RPS6KC1: variants seen among roughly 807,000 people sequenced by gnomAD.
RPS6KC1 encodes the protein inactive ribosomal protein S6 kinase delta-1.
A neutral mutation model predicts 103.8 loss-of-function variants in RPS6KC1; 54 were observed. That is an observed-to-expected ratio of 0.52 (90% CI 0.42 to 0.65). The LOEUF (loss-of-function observed/expected upper bound fraction) is 0.65. Ranked by LOEUF, RPS6KC1 falls within the 30% of genes least tolerant of loss-of-function variation. RPS6KC1 has a pLI of 0.00. For missense variants in RPS6KC1, 1,151 were observed against 1,253.8 expected (o/e 0.92, Z 1.24); for synonymous variants, 439 against 438.7 (o/e 1.00, Z -0.01).
intron 10 of RPS6KC1, among the ~76,000 whole-genome samples, chr1:213,235,386 T>G (rs1424657547): frequency 1.3e-5 from 2 of 152,082 alleles, no homozygotes; most frequent in East Asian, 1.9e-4. Context: ...AGCAAATATT[T>G]AAGTAAATAT....
At chr1:213,544,068 A>G in the RPS6KC1 span, among the ~76,000 whole-genome samples, 1 of 152,220 alleles carries the variant, frequency 6.6e-6, no homozygotes, top group Non-Finnish European at 1.5e-5. Context: ...AAAGAAAAAG[A>G]AAGAAAAGAT....
chr1:213,735,068 C>G, the RPS6KC1 span, among the ~76,000 whole-genome samples: 1 of 152,138 alleles, frequency 6.6e-6, no homozygotes, highest in Admixed American at 6.5e-5. Flanking sequence ...GGACTACAGG[C>G]GCCCACCACC....
intron 12 of RPS6KC1, among the ~76,000 whole-genome samples, chr1:213,261,003 GCTC>G (rs1235537538): frequency 1.3e-5 from 2 of 152,282 alleles, no homozygotes; most frequent in African/African-American, 4.8e-5. Flanking sequence ...CATTTCACAT[GCTC>G]CTCCTTTGGT....
chr1:213,052,978 C>T (rs946893693), intron 1 of RPS6KC1, among the ~76,000 whole-genome samples: 1 of 152,144 alleles, frequency 6.6e-6, no homozygotes, highest in Non-Finnish European at 1.5e-5. Context: ...AATGAGAAGA[C>T]CTGACCTGCT....
At chr1:213,603,597 C>T in the RPS6KC1 span, among the ~76,000 whole-genome samples, 14 of 151,874 alleles carry the variant, frequency 9.2e-5, no homozygotes, top group East Asian at 3.9e-4. Context: ...TAGTAGCTCA[C>T]GCCTGTAATC....
the RPS6KC1 span, among the ~76,000 whole-genome samples, chr1:213,608,446 G>A: frequency 1.3e-5 from 2 of 152,208 alleles, no homozygotes; most frequent in African/African-American, 4.8e-5. Flanking sequence ...GTGTCAGAAG[G>A]TTCTAAGGGA....
the RPS6KC1 span, among the ~76,000 whole-genome samples, chr1:213,368,263 G>A: frequency 2.0e-5 from 3 of 150,932 alleles, no homozygotes; most frequent in Admixed American, 1.3e-4. Flanking sequence ...CTCACAGCAT[G>A]AAGGGGCTTT....
the RPS6KC1 span, among the ~76,000 whole-genome samples, chr1:213,732,348 AGTGTGC>A: frequency 2.5e-5 from 2 of 79,052 alleles, no homozygotes; most frequent in African/African-American, 1.2e-4. Flanking sequence ...TGTATGTATG[AGTGTGC>A]GTGTGCGTGT....
chr1:213,806,691 T>C, the RPS6KC1 span, among the ~76,000 whole-genome samples: 2 of 149,372 alleles, frequency 1.3e-5, no homozygotes, highest in African/African-American at 5.0e-5. Flanking sequence ...GTGAGATGGG[T>C]TTCCTGAATA....
chr1:213,840,605 A>G, the RPS6KC1 span: 1 of 152,152 alleles, frequency 6.6e-6, no homozygotes, highest in East Asian at 1.9e-4. Flanking sequence ...ATACCCCTGA[A>G]ACAGAAGAAA....
chr1:213,090,803 TAAATA>T (rs1467481504), intron 3 of RPS6KC1, among the ~76,000 whole-genome samples: 7 of 152,186 alleles, frequency 4.6e-5, no homozygotes. Context: ...GAAATTGTAT[TAAATA>T]AAAATAAAAA....
At chr1:213,071,117 G>A (rs2078831153) in intron 2 of RPS6KC1, 76 bp downstream of exon 2, 1 of 885,282 alleles carries the variant, frequency 1.1e-6, no homozygotes, top group Non-Finnish European at 1.7e-6. Context: ...GAAATTGCCT[G>A]AATCATTTGT....
the RPS6KC1 span, among the ~76,000 whole-genome samples, chr1:213,542,934 C>T: frequency 2.6e-5 from 4 of 152,276 alleles, no homozygotes; most frequent in East Asian, 7.7e-4. Flanking sequence ...AGCCCTTATG[C>T]TACAGTGGGA....
At chr1:213,792,182 T>G in the RPS6KC1 span, among the ~76,000 whole-genome samples, 76 of 152,166 alleles carry the variant, frequency 5.0e-4, 1 homozygote, top group Non-Finnish European at 8.8e-5. Context: ...CAGAGCCGTA[T>G]GAAGAAGGCT....
At chr1:213,305,734 AC>A in the RPS6KC1 span, among the ~76,000 whole-genome samples, 1 of 152,212 alleles carries the variant, frequency 6.6e-6, no homozygotes, top group Non-Finnish European at 1.5e-5. Flanking sequence ...CAAATATATT[AC>A]TATAAACTTC....
chr1:213,602,499 C>T, the RPS6KC1 span, among the ~76,000 whole-genome samples: 3 of 151,974 alleles, frequency 2.0e-5, no homozygotes, highest in Admixed American at 6.6e-5. Flanking sequence ...TCCCAAAGTG[C>T]TGGGATTACA....
the RPS6KC1 span, among the ~76,000 whole-genome samples, chr1:213,476,040 GCTGGTGTGACTGGTGTGA>G: frequency 1.8e-4 from 28 of 151,960 alleles, no homozygotes; most frequent in African/African-American, 4.8e-4. Context: ...GCCCACAGTG[GCTGGTGTGACTGGTGTGA>G]CTGGTGTGAC....
At chr1:213,696,237 C>T in the RPS6KC1 span, among the ~76,000 whole-genome samples, 4 of 151,984 alleles carry the variant, frequency 2.6e-5, no homozygotes, top group South Asian at 2.1e-4. Flanking sequence ...TGGTGGCTCA[C>T]GCCTGTAATT....
At chr1:213,211,135 A>G (rs1448576550) in intron 8 of RPS6KC1, among the ~76,000 whole-genome samples, 2 of 152,260 alleles carry the variant, frequency 1.3e-5, no homozygotes, top group African/African-American at 4.8e-5. Context: ...ACAATAGACT[A>G]TACTTTTAAT....
Sources: gnomAD v4.1 joint callset for allele counts (sites outside exome capture counted in the v4.1 genomes callset) on GRCh38, gnomAD v4.1.1 for gene constraint, MANE v1.5 for transcripts, NCBI Gene and HGNC (gene_info 2026-07-23, HGNC 2026-07-21) for gene names.